OVCH1: variants seen among roughly 807,000 people sequenced by gnomAD.
OVCH1 encodes ovochymase-1.
OVCH1 carries 139 observed loss-of-function variants against 138.4 expected under a neutral mutation model. The ratio of observed to expected loss-of-function variants is 1.00; its 90% CI spans 0.87 to 1.16. OVCH1 has a LOEUF of 1.16. Among genes scored for constraint, OVCH1 ranks in the 50% most tolerant of loss-of-function variants. The pLI is 0.00. For missense variants in OVCH1, 1,367 were observed against 1,357.9 expected (o/e 1.01, Z -0.11); for synonymous variants, 453 against 467.8 (o/e 0.97, Z 0.41).
intron 27 of OVCH1, among the ~76,000 whole-genome samples, chr12:29,428,469 A>C (rs543012904): frequency 6.6e-6 from 1 of 152,206 alleles, no homozygotes; most frequent in African/African-American, 2.4e-5. Flanking sequence ...AACTACAGGT[A>C]CATTTCTAGG....
intron 25 of OVCH1, chr12:29,440,464 C>T (rs761842391): frequency 4.1e-5 from 11 of 266,070 alleles, no homozygotes; most frequent in Non-Finnish European, 6.6e-5. Context: ...GTCTAAACTC[C>T]TCCAAGCAGC....
At chr12:29,480,877 T>C (rs79503124) in intron 8 of OVCH1, among the ~76,000 whole-genome samples, 4,692 of 152,294 alleles carry the variant, frequency 0.031, 253 homozygotes, top group African/African-American at 0.11. Context: ...AAGAAGTCAC[T>C]GACTGTGCAA....
rs745853862 is a variant in OVCH1, at chr12:29,445,317, C to T, written c.2842G>A (p.Gly948Ser). 31 of 1,611,794 alleles carry T rather than the reference C, an allele frequency of 1.9e-5. No homozygotes were observed. The East Asian group carries it at 5.6e-4, about 29-fold the overall frequency. The change falls in exon 23 of 28, where the codon GGT (glycine) becomes AGT (serine). Residue 948 changes from glycine to serine, a missense_variant. Transcript: ENST00000318184. Reference sequence around the variant, plus strand: ...ACAATATAGCTTATACCAAATGCACCTCGTACAAGGGCATGGAATGTCACC... The same window carrying T: ...ACAATATAGCTTATACCAAATGCACTTCGTACAAGGGCATGGAATGTCACC...
chr12:29,497,620 C>CA lies in OVCH1; in HGVS notation c.64+2dup. On this transcript the variant is annotated splice_region_variant and intron_variant, in intron 1 of 27. Coordinates refer to ENST00000318184, the Ensembl canonical transcript of OVCH1. ...GTCCTGGTGCCCAGGTCCCTAGGCT[C>CA]ACCTAGGCTTCTGGGGTGGCCGATG... 1 of 1,613,838 alleles carries CA rather than the reference C, an allele frequency of 6.2e-7. No homozygotes were observed. The highest frequency in any genetic ancestry group is 8.5e-7 in the Non-Finnish European group (1 of 1,179,818).
chr12:29,470,001 A>G (rs1261403490), intron 16 of OVCH1, among the ~76,000 whole-genome samples: 1 of 152,178 alleles, frequency 6.6e-6, no homozygotes, highest in Non-Finnish European at 1.5e-5. Flanking sequence ...TGGATCGAAA[A>G]CAAATTACAG....
At chr12:29,438,627 A>G (rs1431469648) in intron 26 of OVCH1, among the ~76,000 whole-genome samples, 1 of 152,206 alleles carries the variant, frequency 6.6e-6, no homozygotes, top group Non-Finnish European at 1.5e-5. Flanking sequence ...AGGCACCTTA[A>G]TAAAGTTTCA....
At chr12:29,414,345 A>AT (rs1941004534) in intron 3 of OVCH1, among the ~76,000 whole-genome samples, 3 of 151,854 alleles carry the variant, frequency 2.0e-5, no homozygotes, top group South Asian at 4.2e-4. Context: ...TCTTATTCTG[A>AT]TTTTTTTCAT....
rs114950268 is a variant in OVCH1, at chr12:29,467,775, C to A, written c.1857-2556G>T. Among the ~76,000 whole-genome samples the A allele has an allele frequency of 9.0e-3, 1,371 of 152,280 alleles. 17 individuals carry two copies. The highest frequency in any genetic ancestry group is 0.031 in the African/African-American group (1,302 of 41,558). On this transcript the variant is annotated intron_variant, in intron 16 of 27. Transcript: ENST00000318184. ...ACCAGATTTTCCTAAGTGTGGAACA[C>A]CACCATCAGGAAATTCTCAGGCCCC...
Position 29,476,499 on chromosome 12 carries a change from A to T in OVCH1, c.1378-200T>A, listed in dbSNP as rs78794566. Among the ~76,000 whole-genome samples, 328 of 152,312 alleles carry T rather than the reference A, an allele frequency of 2.2e-3. 1 individual carries two copies. Among genetic ancestry groups the T allele is most frequent in the African/African-American group, 7.7e-3 (322 of 41,570 alleles). On this transcript the variant is annotated intron_variant, in intron 12 of 27. Transcript: ENST00000318184. ...AATGTGCAAACCCTTTGACCCAGCG[A>T]ATCTAATTCTGGGAATTATACATAT...
At chr12:29,434,770 T>A (rs1941329101) in intron 26 of OVCH1, among the ~76,000 whole-genome samples, 2 of 151,908 alleles carry the variant, frequency 1.3e-5, no homozygotes, top group African/African-American at 4.8e-5. Context: ...AAGTAAAAAA[T>A]TCTTATGTTT....
intron 6 of OVCH1, 40 bp downstream of exon 6, chr12:29,489,580 A>G: frequency 6.4e-7 from 1 of 1,553,040 alleles, no homozygotes; most frequent in Non-Finnish European, 8.7e-7. Flanking sequence ...ACTTTCACCC[A>G]CATGTTACTG....
At chr12:29,493,269 T>C (rs535115498) in intron 4 of OVCH1, among the ~76,000 whole-genome samples, 1 of 152,366 alleles carries the variant, frequency 6.6e-6, no homozygotes, top group African/African-American at 2.4e-5. Flanking sequence ...TTACTGCTGT[T>C]GAGAAGTCAA....
chr12:29,465,356 G>A, intron 16 of OVCH1, 137 bp from the exon 17 acceptor site: 2 of 725,074 alleles, frequency 2.8e-6, no homozygotes, highest in Non-Finnish European at 4.4e-6. Flanking sequence ...TGAAGAAGAG[G>A]TTTAATTGAC....
chr12:29,478,794 T>C, intron 9 of OVCH1, 41 bp downstream of exon 10: 1 of 1,390,266 alleles, frequency 7.2e-7, no homozygotes, highest in Non-Finnish European at 9.7e-7. Context: ...GTCTTTCAGA[T>C]ACTCTAAAAT....
intron 25 of OVCH1, among the ~76,000 whole-genome samples, chr12:29,440,158 T>G (rs1296440787): frequency 6.6e-6 from 1 of 152,202 alleles, no homozygotes; most frequent in East Asian, 1.9e-4. Flanking sequence ...CAGGATTTGT[T>G]CCTCTGGATA....
At chr12:29,478,965 T>C (rs1942835767) in intron 8 of OVCH1, 4 of 1,275,548 alleles carry the variant, frequency 3.1e-6, no homozygotes, top group Non-Finnish European at 4.3e-6. Flanking sequence ...TCCAAACATA[T>C]AAGCTGGGGT....
In OVCH1 at chr12:29,420,141, T is replaced by G. The variant is rs186137095; in HGVS notation, c.*71+2986A>C. Among the ~76,000 whole-genome samples the G allele has an allele frequency of 2.5e-4, 38 of 152,344 alleles. 1 individual carries two copies. The highest frequency in any genetic ancestry group is 4.6e-4 in the Non-Finnish European group (31 of 68,036). On this transcript the variant is annotated intron_variant and NMD_transcript_variant, in intron 3 of 4. Coordinates refer to the OVCH1 transcript ENST00000539117. ...ATTAGAAATATCAGAATTTTAGTAC[T>G]GAGCAACCTTTAAACTGAGGAAGGA...
At chr12:29,432,188 A>G (rs557261569) in intron 27 of OVCH1, among the ~76,000 whole-genome samples, 1 of 152,338 alleles carries the variant, frequency 6.6e-6, no homozygotes, top group South Asian at 2.1e-4. Context: ...TCTTGTAGGC[A>G]CTATAAGGAC....
intron 3 of OVCH1, among the ~76,000 whole-genome samples, chr12:29,417,732 A>G (rs776641779): frequency 2.6e-5 from 4 of 151,566 alleles, no homozygotes; most frequent in Non-Finnish European, 5.9e-5. Flanking sequence ...TTGTGACTTA[A>G]TTTGTCCAAA....
Sources: gnomAD v4.1 joint callset for allele counts (sites outside exome capture counted in the v4.1 genomes callset) on GRCh38, gnomAD v4.1.1 for gene constraint, MANE v1.5 for transcripts, NCBI Gene and HGNC (gene_info 2026-07-23, HGNC 2026-07-21) for gene names.